Variants in TDRD5 observed in about 807,000 individuals in gnomAD.
TDRD5 encodes tudor domain-containing protein 5.
Under a neutral mutation model 120.6 loss-of-function variants are expected in TDRD5, and 41 were observed. The observed-to-expected ratio is 0.34, with a 90% CI of 0.26 to 0.44. The LOEUF is 0.44. Among genes scored for constraint, TDRD5 ranks in the 20% least tolerant of loss-of-function variants. The pLI, the probability that TDRD5 is intolerant of heterozygous loss-of-function variation, is 1.00. For missense variants in TDRD5, 1,006 were observed against 1,221.2 expected, an observed-to-expected ratio of 0.82 and a Z score of 2.63; for synonymous variants, 430 against 433.7, an observed-to-expected ratio of 0.99 and a Z score of 0.11.
chr1:179,653,935 G>T (rs1367520916), intron 13 of TDRD5, among the ~76,000 whole-genome samples: 1 of 152,068 alleles, frequency 6.6e-6, no homozygotes, highest in Non-Finnish European at 1.5e-5. Context: ...ACATTTTTTA[G>T]TTCCTTTGGA....
At chr1:179,688,710 A>G (rs558093695) in intron 17 of TDRD5, among the ~76,000 whole-genome samples, 10 of 152,324 alleles carry the variant, frequency 6.6e-5, no homozygotes, top group African/African-American at 2.2e-4. Context: ...GTCTTTTCAC[A>G]TAGTCCCATA....
rs1679406710 is a variant in TDRD5, at chr1:179,663,376, C to T, written c.2534C>T (p.Thr845Ile). 1.9e-6 allele frequency: 3 copies of T among 1,613,310 alleles called. No individual in the cohort carries two copies. Among genetic ancestry groups the T allele is most frequent in the Middle Eastern group, 1.7e-4 (1 of 6,058 alleles). Residue 845 changes from threonine (T) to isoleucine (I), a missense_variant, in exon 16 of 18, where the codon ACA (threonine) becomes ATA (isoleucine). Physicochemically the swap from Thr to Ile is moderately conservative, Grantham distance 89 (BLOSUM62 -1). Around this residue, in one of 3 missense-constraint regions of TDRD5, gnomAD observed 403 missense variants for 448.1 expected, o/e 0.90. Transcript: ENST00000444136. ...KDWCFSTPKD[T>I]WDDSWQPSGL... ...TGGTGTTTTTCTACCCCTAAAGATA[C>T]ATGGGATGATTCTTGGCAGCCTTCA...
Position 179,663,469 on chromosome 1 carries a change from C to T in TDRD5, c.2627C>T (p.Thr876Ile). ...PEVLGAQEKN[T>I]GTNRTQKQLD... The stretch of plus-strand genomic sequence containing the variant: ...GTACTGGGTGCTCAGGAAAAAAATA[C>T]TGGCACAAACAGGACTCAAAAGGTA... The change falls in exon 16 of 18, where the codon ACT becomes ATT. Residue 876 changes from threonine (T) to isoleucine (I), a missense_variant. By Grantham distance (89) the Thr-to-Ile change is moderately conservative. Coordinates refer to ENST00000444136, the MANE Select transcript of TDRD5 (RefSeq NM_001199085.3). 6.2e-7 allele frequency: 1 copy of T among 1,612,420 alleles called. No homozygotes were observed. The highest frequency in any genetic ancestry group is 8.5e-7 in the Non-Finnish European group (1 of 1,179,578).
At chr1:179,652,448 A>G (rs910785191) in intron 13 of TDRD5, among the ~76,000 whole-genome samples, 3 of 152,106 alleles carry the variant, frequency 2.0e-5, no homozygotes, top group African/African-American at 7.2e-5. Context: ...CTGCCTCTGA[A>G]TGCTATTCTT....
intron 11 of TDRD5, among the ~76,000 whole-genome samples, chr1:179,641,128 T>C (rs1306949396): frequency 6.6e-6 from 1 of 152,096 alleles, no homozygotes; most frequent in Non-Finnish European, 1.5e-5. Flanking sequence ...TCAGAACTCT[T>C]ACTAGCTCAT....
At chr1:179,633,249 T>A (rs1677560592) in intron 7 of TDRD5, among the ~76,000 whole-genome samples, 1 of 152,198 alleles carries the variant, frequency 6.6e-6, no homozygotes, top group Non-Finnish European at 1.5e-5. Context: ...GTTCCCATTT[T>A]TTCACCATCA....
At chr1:179,665,582 A>G (rs1214785382) in intron 16 of TDRD5, among the ~76,000 whole-genome samples, 1 of 152,142 alleles carries the variant, frequency 6.6e-6, no homozygotes, top group African/African-American at 2.4e-5. Flanking sequence ...TCTTAATCCT[A>G]TTCTCTATGT....
At chr1:179,660,004 T>G (rs922998922) in intron 14 of TDRD5, among the ~76,000 whole-genome samples, 1 of 152,110 alleles carries the variant, frequency 6.6e-6, no homozygotes, top group South Asian at 2.1e-4. Context: ...CCTTGTTTGA[T>G]TATTTTTTAA....
At chr1:179,624,926 A>G (rs1375573029) in intron 6 of TDRD5, among the ~76,000 whole-genome samples, 2 of 152,128 alleles carry the variant, frequency 1.3e-5, no homozygotes, top group African/African-American at 4.8e-5. Context: ...ATCCACCCAT[A>G]TACACTGAAG....
At chr1:179,645,862 CT>C (rs914747244) in intron 11 of TDRD5, among the ~76,000 whole-genome samples, 2 of 151,792 alleles carry the variant, frequency 1.3e-5, no homozygotes, top group Non-Finnish European at 2.9e-5. Flanking sequence ...CAAAAAAAAA[CT>C]TCTTTTGTCT....
chr1:179,607,217 T>G (rs1676025920), intron 4 of TDRD5, among the ~76,000 whole-genome samples: 1 of 152,156 alleles, frequency 6.6e-6, no homozygotes, highest in South Asian at 2.1e-4. Context: ...ATTTTTTAAA[T>G]TTCAAATTTC....
In TDRD5 at chr1:179,634,618, C is replaced by A; in HGVS notation, c.1288C>A (p.Pro430Thr). 6.2e-7 allele frequency: 1 copy of A among 1,609,806 alleles called. No individual in the cohort carries two copies. The highest frequency in any genetic ancestry group is 1.1e-5 in the South Asian group (1 of 90,104). ...ICKKPNLVVK[P>T]LQLQVETNKS... ...CAAGAAGCCTAATCTGGTGGTAAAG[C>A]CTTTACAGCTGGTGAGTGAGGTTTA... Residue 430 changes from proline (P) to threonine (T), a missense_variant, in exon 8 of 18, where the codon CCT becomes ACT. Physicochemically the swap from Pro to Thr is conservative, Grantham distance 38. This residue lies in a region of TDRD5 where 445 missense variants were observed against 515.5 expected (regional missense o/e 0.86). Coordinates refer to ENST00000444136, the MANE Select transcript of TDRD5 (RefSeq NM_001199085.3).
In TDRD5 at chr1:179,595,760, C is replaced by T. The variant is rs755295315; in HGVS notation, c.773C>T (p.Thr258Ile). Residue 258 changes from threonine to isoleucine, a missense_variant, in exon 4 of 18, where the codon ACT becomes ATT. Thr to Ile is a moderately conservative substitution (Grantham distance 89). This residue lies in a region of TDRD5 where 445 missense variants were observed against 515.5 expected (regional missense o/e 0.86). Coordinates refer to ENST00000444136, the MANE Select transcript of TDRD5 (RefSeq NM_001199085.3). Reference sequence around the variant, plus strand: ...AAGCAAATAATGAGCATGGAAAAGACTTCCAAGTTAAATGTAGTGGAGACT... The same window carrying T: ...AAGCAAATAATGAGCATGGAAAAGATTTCCAAGTTAAATGTAGTGGAGACT... ...PPKQIMSMEK[T>I]SKLNVVETSR... The T allele has an allele frequency of 3.7e-6, 6 of 1,613,708 alleles. No homozygotes were observed. In the East Asian group the frequency reaches 1.3e-4, roughly 36 times the overall value.
At position 179,691,095 on chromosome 1, in the gene TDRD5, C is replaced by CATAT; in HGVS notation, c.*153_*154insTATA. 1 of 1,012,276 alleles carries CATAT rather than the reference C, an allele frequency of 9.9e-7. No homozygotes were observed. Among genetic ancestry groups the CATAT allele is most frequent in the Non-Finnish European group, 1.4e-6 (1 of 721,712 alleles). The allele number at this position is 1,012,276 out of a possible 1,614,324, so 62.7% of individuals were successfully genotyped here. ...CTATATGTTAGCTTTATTATGCTAA[C>CATAT]AGTCTACTTTGATGTGTAAGTAAGT... is the stretch of plus-strand genomic sequence containing the variant. On this transcript the variant is annotated 3_prime_UTR_variant, in exon 18 of 18. Transcript: ENST00000444136.
intron 6 of TDRD5, among the ~76,000 whole-genome samples, chr1:179,621,526 G>T (rs564827163): frequency 6.6e-6 from 1 of 152,048 alleles, no homozygotes. Flanking sequence ...GCACATGTAC[G>T]CATGAAGACC....
rs558712477 is a variant in TDRD5 at position 179,660,462 on chromosome 1, C to T, written c.2323-1642C>T. 8.6e-5 allele frequency among the ~76,000 whole-genome samples: 13 copies of T among 151,382 alleles called. No homozygotes were observed. In the East Asian group the frequency reaches 1.4e-3, roughly 16 times the overall value. The stretch of plus-strand genomic sequence containing the variant: ...GTCTCAATCTCCTGACCTCATGATC[C>T]GCCCACCTTGACTTCCCAAAGTACT... On this transcript the variant is annotated intron_variant, in intron 14 of 17. Coordinates refer to ENST00000444136, the MANE Select transcript of TDRD5 (RefSeq NM_001199085.3).
chr1:179,655,363 C>T (rs1193982739), intron 14 of TDRD5, among the ~76,000 whole-genome samples: 1 of 152,186 alleles, frequency 6.6e-6, no homozygotes, highest in African/African-American at 2.4e-5. Context: ...TATGTAAATG[C>T]TCTTCACGGC....
At chr1:179,628,873 C>T (rs150308865) in intron 6 of TDRD5, among the ~76,000 whole-genome samples, 2 of 152,174 alleles carry the variant, frequency 1.3e-5, no homozygotes, top group African/African-American at 2.4e-5. Context: ...AAGGAACTGG[C>T]AATAATGGTT....
chr1:179,672,191 C>T (rs1679890667), intron 17 of TDRD5, among the ~76,000 whole-genome samples: 1 of 152,122 alleles, frequency 6.6e-6, no homozygotes, highest in Non-Finnish European at 1.5e-5. Context: ...AATCTCCACA[C>T]TGTTTTCCAT....
Sources: allele counts gnomAD v4.1 joint callset (sites outside exome capture counted in the v4.1 genomes callset), GRCh38; gene constraint gnomAD v4.1.1; regional missense constraint gnomAD v4.1.1; transcripts MANE v1.5; gene names NCBI Gene and HGNC (gene_info 2026-07-23, HGNC 2026-07-21).